The following NALCN variants were observed in gnomAD, a reference collection of about 807,000 sequenced individuals.
NALCN encodes the protein sodium leak channel, non-selective.
Under a neutral mutation model 225.3 loss-of-function variants are expected in NALCN, and 111 were observed. The observed-to-expected ratio is 0.49, with a 90% CI of 0.42 to 0.58. The LOEUF (loss-of-function observed/expected upper bound fraction) is 0.58. NALCN is among the 20% of genes least tolerant of loss of function. NALCN has a pLI of 0.00. For synonymous variants in NALCN, 764 were observed against 769.0 expected (o/e 0.99, Z 0.11); for missense variants, 1,378 against 2,202.4 (o/e 0.63, Z 7.49).
chr13:101,279,415 G>C (rs1475377780), intron 10 of NALCN, among the ~76,000 whole-genome samples: 2 of 152,234 alleles, frequency 1.3e-5, no homozygotes, highest in African/African-American at 4.8e-5. Context: ...CTCATTGGAA[G>C]AAGAATGAGG....
At chr13:101,277,428 C>G (rs1033053242) in intron 10 of NALCN, among the ~76,000 whole-genome samples, 14 of 151,996 alleles carry the variant, frequency 9.2e-5, no homozygotes, top group African/African-American at 3.4e-4. Context: ...AATGTGTGGA[C>G]TAATTGTTAT....
chr13:101,273,645 C>A (rs2042872710), intron 10 of NALCN, among the ~76,000 whole-genome samples: 1 of 151,876 alleles, frequency 6.6e-6, no homozygotes, highest in African/African-American at 2.4e-5. Flanking sequence ...GATAAATGGG[C>A]AAATGAGATA....
chr13:101,373,153 C>T (rs957187150), intron 6 of NALCN: 6 of 268,618 alleles, frequency 2.2e-5, no homozygotes, highest in Non-Finnish European at 4.5e-5. Flanking sequence ...AACTCCATAG[C>T]TCTGTAAGTT....
intron 7 of NALCN, among the ~76,000 whole-genome samples, chr13:101,341,682 A>C (rs2045563901): frequency 6.6e-6 from 1 of 152,132 alleles, no homozygotes; most frequent in South Asian, 2.1e-4. Flanking sequence ...CTTTGAAATA[A>C]ATTTTTGTTA....
chr13:101,333,052 T>C (rs1482352114), intron 7 of NALCN, among the ~76,000 whole-genome samples: 2 of 152,190 alleles, frequency 1.3e-5, no homozygotes, highest in Non-Finnish European at 2.9e-5. Context: ...AGTACCTATA[T>C]AGAGTAAGTG....
intron 7 of NALCN, among the ~76,000 whole-genome samples, chr13:101,317,994 T>C (rs1259049591): frequency 5.3e-5 from 8 of 152,216 alleles, no homozygotes; most frequent in African/African-American, 1.4e-4. Context: ...TTTTGTAGTA[T>C]ACAAAAGTAC....
intron 7 of NALCN, among the ~76,000 whole-genome samples, chr13:101,315,000 C>CTTTTCGAATGGGAAGAAAAGCT (rs11272454): frequency 0.99 from 150,320 of 152,156 alleles, 74,279 homozygotes; most frequent in East Asian, 1. Flanking sequence ...TAAGGAAGGG[C>CTTTTCGAATGGGAAGAAAAGCT]TTACAAAGGA....
intron 15 of NALCN, among the ~76,000 whole-genome samples, chr13:101,165,446 A>G (rs2038392383): frequency 6.6e-6 from 1 of 152,150 alleles, no homozygotes; most frequent in South Asian, 2.1e-4. Flanking sequence ...CATACAACAT[A>G]AATTTTGCCA....
intron 6 of NALCN, among the ~76,000 whole-genome samples, chr13:101,354,987 A>C (rs1359567639): frequency 6.6e-6 from 1 of 152,032 alleles, no homozygotes; most frequent in Non-Finnish European, 1.5e-5. Flanking sequence ...GCTTGAGCCA[A>C]CTCCTAGGTG....
chr13:101,263,842 A>G (rs1245566504), intron 10 of NALCN, among the ~76,000 whole-genome samples: 1 of 152,194 alleles, frequency 6.6e-6, no homozygotes, highest in Non-Finnish European at 1.5e-5. Context: ...TAAAATCAGT[A>G]ACTCCAGCTT....
intron 7 of NALCN, among the ~76,000 whole-genome samples, chr13:101,309,718 G>A (rs1273875263): frequency 6.6e-6 from 1 of 152,032 alleles, no homozygotes; most frequent in Admixed American, 6.6e-5. Context: ...TTGTATTCTT[G>A]ACAAGAATTA....
At chr13:101,213,647 A>G (rs2040612028) in intron 13 of NALCN, among the ~76,000 whole-genome samples, 1 of 152,218 alleles carries the variant, frequency 6.6e-6, no homozygotes. Context: ...ATGAACAGAC[A>G]CTTCTCAAAA....
In NALCN at chr13:101,122,005, A is replaced by G. The variant is rs1470532342; in HGVS notation, c.2192+2603T>C. On this transcript the variant is annotated intron_variant, in intron 18 of 43. Coordinates refer to ENST00000251127, the MANE Select transcript of NALCN (RefSeq NM_052867.4). ...TTTTTCTCCCTCTTTTTTTCCTTTTAGCTGTTATTGTTCCTTGAAAAACAG... is the reference window on the plus strand; with the variant it reads ...TTTTTCTCCCTCTTTTTTTCCTTTTGGCTGTTATTGTTCCTTGAAAAACAG... Among the ~76,000 whole-genome samples the G allele has an allele frequency of 4.2e-5, 6 of 142,164 alleles. No individual in the cohort carries two copies. The East Asian group carries it at 1.0e-3, about 24-fold the overall frequency. The allele number at this position is 142,164 out of a possible 152,430, so 93.3% of individuals were successfully genotyped here.
chr13:101,058,212 G>A (rs1485002610), intron 42 of NALCN, 156 bp from the exon 43 acceptor site: 15 of 623,118 alleles, frequency 2.4e-5, no homozygotes, highest in Non-Finnish European at 4.2e-5. Flanking sequence ...TGGGTATAAA[G>A]GGTCACAGAA....
At chr13:101,129,468 G>GT (rs1384519528) in intron 17 of NALCN, among the ~76,000 whole-genome samples, 2 of 152,018 alleles carry the variant, frequency 1.3e-5, no homozygotes, top group Admixed American at 6.6e-5. Context: ...TATGACCCTC[G>GT]TAGTCTTTGA....
chr13:101,231,370 A>G (rs900630557), intron 12 of NALCN, among the ~76,000 whole-genome samples: 1 of 152,190 alleles, frequency 6.6e-6, no homozygotes, highest in African/African-American at 2.4e-5. Context: ...TTCAATGGCT[A>G]CTATTACAAA....
chr13:101,337,620 T>C (rs578181826), intron 7 of NALCN, among the ~76,000 whole-genome samples: 1 of 152,174 alleles, frequency 6.6e-6, no homozygotes, highest in African/African-American at 2.4e-5. Flanking sequence ...CATTTATTCT[T>C]TTTTCTAAGA....
intron 31 of NALCN, 111 bp downstream of exon 31, chr13:101,083,600 T>C (rs1422124395): frequency 1.9e-6 from 2 of 1,032,498 alleles, no homozygotes; most frequent in Non-Finnish European, 2.8e-6. Context: ...TATTACCTTA[T>C]GCACAACCTC....
chr13:101,073,813 C>A (rs1249420186), intron 36 of NALCN, 136 bp from the exon 37 acceptor site: 3 of 640,794 alleles, frequency 4.7e-6, no homozygotes, highest in East Asian at 2.8e-5. Flanking sequence ...AAAGGTTATA[C>A]CTTTTTATTA....
Sources: allele counts gnomAD v4.1 joint callset (sites outside exome capture counted in the v4.1 genomes callset), GRCh38; gene constraint gnomAD v4.1.1; transcripts MANE v1.5; gene names NCBI Gene and HGNC (gene_info 2026-07-23, HGNC 2026-07-21).